The following ZNF536 variants were observed in gnomAD, a reference collection of about 807,000 sequenced individuals.
ZNF536 encodes the protein zinc finger protein 536.
A neutral mutation model predicts 84.5 loss-of-function variants in ZNF536; 13 were observed. That is an observed-to-expected ratio of 0.15 (90% CI 0.10 to 0.24). The LOEUF is 0.24. Among genes scored for constraint, ZNF536 ranks in the 10% least tolerant of loss-of-function variants. The pLI is 1.00. For synonymous variants in ZNF536, 811 were observed against 742.5 expected (o/e 1.09, Z -1.50); for missense variants, 1,536 against 1,747.5 (o/e 0.88, Z 2.16).
At chr19:30,578,899 A>C (rs1310342232) in intron 1 of ZNF536, among the ~76,000 whole-genome samples, 3 of 152,164 alleles carry the variant, frequency 2.0e-5, no homozygotes, top group Non-Finnish European at 4.4e-5. Flanking sequence ...TTCAGAGTAC[A>C]AGCTTTGGCA....
At chr19:30,233,640 AC>A (rs2023248590) in intron 1 of ZNF536, among the ~76,000 whole-genome samples, 1 of 151,962 alleles carries the variant, frequency 6.6e-6, no homozygotes, top group African/African-American at 2.4e-5. Context: ...GAGGCAGTGC[AC>A]CTGGCTGTCC....
intron 1 of ZNF536, among the ~76,000 whole-genome samples, chr19:30,667,168 A>T (rs766638124): frequency 2.0e-5 from 3 of 152,158 alleles, no homozygotes; most frequent in African/African-American, 7.2e-5. Context: ...GACTGAACAC[A>T]TGCTGTGTGC....
At chr19:30,437,405 G>A (rs912173651) in intron 1 of ZNF536, among the ~76,000 whole-genome samples, 1 of 152,120 alleles carries the variant, frequency 6.6e-6, no homozygotes, top group Middle Eastern at 3.2e-3. Context: ...AATGGCTCAC[G>A]GTACCTGCAA....
At chr19:30,425,081 G>A (rs2051153179) in intron 1 of ZNF536, among the ~76,000 whole-genome samples, 1 of 152,240 alleles carries the variant, frequency 6.6e-6, no homozygotes, top group African/African-American at 2.4e-5. Flanking sequence ...TGGACTTTGG[G>A]GACTCAAGGG....
At chr19:30,449,159 C>G (rs970302594) in intron 2 of ZNF536, among the ~76,000 whole-genome samples, 1 of 152,200 alleles carries the variant, frequency 6.6e-6, no homozygotes, top group Non-Finnish European at 1.5e-5. Context: ...CATCTTCCCC[C>G]TTTGTTTTAT....
intron 1 of ZNF536, among the ~76,000 whole-genome samples, chr19:30,240,766 A>C (rs2023885982): frequency 6.6e-6 from 1 of 152,234 alleles, no homozygotes; most frequent in Admixed American, 6.5e-5. Flanking sequence ...TCAGTCCTTA[A>C]ATATTAGTTG....
chr19:30,537,065 C>T (rs1046214647), intron 3 of ZNF536, among the ~76,000 whole-genome samples: 3 of 152,208 alleles, frequency 2.0e-5, no homozygotes, highest in Non-Finnish European at 4.4e-5. Context: ...TGTTGTTTCT[C>T]TCCATGCACT....
chr19:30,624,467 T>A (rs1025510413), intron 1 of ZNF536, among the ~76,000 whole-genome samples: 2 of 152,182 alleles, frequency 1.3e-5, no homozygotes, highest in African/African-American at 4.8e-5. Context: ...GATGGCTTCC[T>A]AGGTAGTAAC....
rs1945503856 is a variant in ZNF536 at position 30,557,145 on chromosome 19, A to G, written c.3896-12A>G. On this transcript the variant is annotated splice_polypyrimidine_tract_variant and intron_variant, in intron 4 of 4. Coordinates refer to ENST00000355537, the MANE Select transcript of ZNF536 (RefSeq NM_014717.3). ...TCTGGATTATTTAATAAATCTGCACATTTTCTTGCAGGTAAGTGACACTCC... is the reference window on the plus strand; with the variant it reads ...TCTGGATTATTTAATAAATCTGCACGTTTTCTTGCAGGTAAGTGACACTCC... 1 of 1,612,408 alleles carries G rather than the reference A, an allele frequency of 6.2e-7. No individual in the cohort carries two copies. Among genetic ancestry groups the G allele is most frequent in the South Asian group, 1.1e-5 (1 of 90,856 alleles).
intron 1 of ZNF536, among the ~76,000 whole-genome samples, chr19:30,412,269 C>T (rs1721266033): frequency 6.6e-6 from 1 of 151,904 alleles, no homozygotes; most frequent in Non-Finnish European, 1.5e-5. Flanking sequence ...TTGACTAAGA[C>T]TTCCAGGACA....
At chr19:30,446,566 C>G (rs2052359559) in intron 2 of ZNF536, among the ~76,000 whole-genome samples, 3 of 152,108 alleles carry the variant, frequency 2.0e-5, no homozygotes, top group African/African-American at 7.2e-5. Context: ...ATCTTCTGGC[C>G]CCTTCCAAAA....
chr19:30,433,880 G>A (rs2051593140), intron 1 of ZNF536, among the ~76,000 whole-genome samples: 1 of 151,770 alleles, frequency 6.6e-6, no homozygotes, highest in Non-Finnish European at 1.5e-5. Flanking sequence ...CCAAATTAAG[G>A]GGGCTTCTGG....
At chr19:30,352,648 C>T (rs1394124748) in intron 3 of ZNF536, among the ~76,000 whole-genome samples, 1 of 152,136 alleles carries the variant, frequency 6.6e-6, no homozygotes, top group Admixed American at 6.5e-5. Flanking sequence ...ATAGGAGTCC[C>T]GTACCTGCCC....
intron 1 of ZNF536, among the ~76,000 whole-genome samples, chr19:30,247,102 C>T (rs2024322759): frequency 1.3e-5 from 2 of 152,190 alleles, no homozygotes; most frequent in Non-Finnish European, 2.9e-5. Flanking sequence ...CCTCTCTTCC[C>T]CAGTGTGTTC....
intron 1 of ZNF536, among the ~76,000 whole-genome samples, chr19:30,231,686 G>T (rs1437991471): frequency 6.6e-6 from 1 of 152,186 alleles, no homozygotes; most frequent in Non-Finnish European, 1.5e-5. Context: ...CTGCCGTGAT[G>T]GTCCCCTTGG....
At chr19:30,655,419 T>C (rs1196184365) in intron 1 of ZNF536, among the ~76,000 whole-genome samples, 1 of 152,160 alleles carries the variant, frequency 6.6e-6, no homozygotes, top group Non-Finnish European at 1.5e-5. Context: ...GGGAATGCCA[T>C]ACTGAGAACC....
At chr19:30,439,031 C>T (rs1000866863) in intron 1 of ZNF536, among the ~76,000 whole-genome samples, 4 of 152,136 alleles carry the variant, frequency 2.6e-5, no homozygotes, top group African/African-American at 9.7e-5. Flanking sequence ...CTTATGTCTG[C>T]AGCTGGATTC....
chr19:30,570,082 C>T (rs1353683420), intron 1 of ZNF536, among the ~76,000 whole-genome samples: 1 of 152,146 alleles, frequency 6.6e-6, no homozygotes, highest in Non-Finnish European at 1.5e-5. Flanking sequence ...AATTATCTAT[C>T]CCCAGATATC....
intron 2 of ZNF536, among the ~76,000 whole-genome samples, chr19:30,506,712 C>T (rs1389845041): frequency 1.3e-5 from 2 of 152,160 alleles, no homozygotes; most frequent in East Asian, 1.9e-4. Flanking sequence ...GTCTGCCGAG[C>T]TGATTGGGCC....
Sources: allele counts gnomAD v4.1 joint callset (sites outside exome capture counted in the v4.1 genomes callset), GRCh38; gene constraint gnomAD v4.1.1; transcripts MANE v1.5; gene names NCBI Gene and HGNC (gene_info 2026-07-23, HGNC 2026-07-21).